SLC35F4: variants seen among roughly 807,000 people sequenced by gnomAD.
The protein encoded by SLC35F4 is solute carrier family 35 member F4.
In SLC35F4, 24 loss-of-function variants were observed where a neutral mutation model predicts 44.2. The observed-to-expected ratio is 0.54, with a 90% confidence interval of 0.39 to 0.76. The LOEUF (loss-of-function observed/expected upper bound fraction) is 0.76. Among genes scored for constraint, SLC35F4 ranks in the 30% least tolerant of loss-of-function variants. The probability of loss-of-function intolerance (pLI) is 0.00; values close to 1 mark genes in which losing one functional copy is unlikely to be tolerated. For synonymous variants in SLC35F4, 238 were observed against 223.6 expected (o/e 1.06, Z -0.57); for missense variants, 562 against 586.1 (o/e 0.96, Z 0.42).
chr14:57,705,149 T>A (rs976701688), intron 1 of SLC35F4, among the ~76,000 whole-genome samples: 1 of 152,084 alleles, frequency 6.6e-6, no homozygotes, highest in African/African-American at 2.4e-5. Context: ...TAGTGGCTGG[T>A]ACAAAGAGAG....
chr14:57,697,157 A>G (rs2075407627), intron 1 of SLC35F4, among the ~76,000 whole-genome samples: 1 of 152,052 alleles, frequency 6.6e-6, no homozygotes. Context: ...AAATTTTGAT[A>G]TGTTGTATTT....
chr14:57,980,029 T>C (rs1465158108), intron 1 of SLC35F4, among the ~76,000 whole-genome samples: 2 of 152,244 alleles, frequency 1.3e-5, no homozygotes, highest in African/African-American at 2.4e-5. Context: ...TCCTAAAACC[T>C]GATTTCTCCA....
At chr14:57,717,446 C>T (rs1177519065) in intron 1 of SLC35F4, among the ~76,000 whole-genome samples, 1 of 152,088 alleles carries the variant, frequency 6.6e-6, no homozygotes, top group Non-Finnish European at 1.5e-5. Context: ...ACCATCCTGG[C>T]TAATACGGTG....
intron 1 of SLC35F4, among the ~76,000 whole-genome samples, chr14:57,689,176 G>T (rs1441999725): frequency 1.3e-5 from 2 of 151,930 alleles, no homozygotes; most frequent in Non-Finnish European, 2.9e-5. Flanking sequence ...AAATATGTTG[G>T]CTTTTCCTAT....
At chr14:57,667,239 G>A (rs1466066335) in intron 1 of SLC35F4, among the ~76,000 whole-genome samples, 1 of 151,942 alleles carries the variant, frequency 6.6e-6, no homozygotes, top group Non-Finnish European at 1.5e-5. Flanking sequence ...AGAGAGACAT[G>A]TTCTGCTGGG....
At chr14:57,870,399 G>C (rs149614375), upstream of SLC35F4, among the ~76,000 whole-genome samples, 152 of 151,926 alleles carry the variant, frequency 1.0e-3, 2 homozygotes, top group African/African-American at 3.4e-3. Context: ...CGTGACCTTG[G>C]GTAAATCTTT....
chr14:57,649,314 G>A (rs1236499400), intron 1 of SLC35F4, among the ~76,000 whole-genome samples: 1 of 152,100 alleles, frequency 6.6e-6, no homozygotes, highest in Non-Finnish European at 1.5e-5. Flanking sequence ...AAACTGATTG[G>A]CAGGGCTACA....
At chr14:57,653,479 T>C (rs1480479513) in intron 1 of SLC35F4, among the ~76,000 whole-genome samples, 2 of 152,196 alleles carry the variant, frequency 1.3e-5, no homozygotes, top group African/African-American at 2.4e-5. Context: ...CACTGGTTGG[T>C]GGGTCGGGGG....
intron 1 of SLC35F4, among the ~76,000 whole-genome samples, chr14:57,599,274 G>C (rs1242847922): frequency 6.6e-6 from 1 of 152,192 alleles, no homozygotes; most frequent in Non-Finnish European, 1.5e-5. Flanking sequence ...TCAAGGTATA[G>C]GGCCATAGGG....
At chr14:57,823,355 G>A (rs1883384061) in intron 1 of SLC35F4, among the ~76,000 whole-genome samples, 1 of 152,100 alleles carries the variant, frequency 6.6e-6, no homozygotes, top group Admixed American at 6.6e-5. Flanking sequence ...TGTCCTCATA[G>A]ATCTCAGCAA....
chr14:57,870,166 C>T (rs2141026498), upstream of SLC35F4, among the ~76,000 whole-genome samples: 1 of 143,664 alleles, frequency 7.0e-6, no homozygotes, highest in South Asian at 2.1e-4. Context: ...GTCTGTGTCT[C>T]TCCCTGTGTC....
At chr14:57,814,509 ACT>A (rs1216925310) in intron 1 of SLC35F4, among the ~76,000 whole-genome samples, 1 of 152,124 alleles carries the variant, frequency 6.6e-6, no homozygotes, top group East Asian at 1.9e-4. Flanking sequence ...CTGTTTGCAA[ACT>A]CTGACGCTTT....
chr14:57,949,522 T>C (rs1890096933), intron 1 of SLC35F4, among the ~76,000 whole-genome samples: 2 of 152,184 alleles, frequency 1.3e-5, no homozygotes, highest in Non-Finnish European at 2.9e-5. Context: ...TTAAGCCATT[T>C]GCAATGTCAA....
chr14:57,955,201 A>T (rs1208354271), intron 1 of SLC35F4, among the ~76,000 whole-genome samples: 1 of 152,198 alleles, frequency 6.6e-6, no homozygotes, highest in African/African-American at 2.4e-5. Context: ...TCACATGATC[A>T]TCTCAGTAGA....
chr14:57,821,812 A>C (rs1328920330), intron 1 of SLC35F4, among the ~76,000 whole-genome samples: 1 of 152,186 alleles, frequency 6.6e-6, no homozygotes, highest in Non-Finnish European at 1.5e-5. Flanking sequence ...AGTTATCACT[A>C]ATAAATATGC....
At chr14:57,715,168 G>GA (rs368398549) in intron 1 of SLC35F4, among the ~76,000 whole-genome samples, 3 of 151,816 alleles carry the variant, frequency 2.0e-5, no homozygotes, top group East Asian at 1.9e-4. Flanking sequence ...GTTATAGGGG[G>GA]AAAAAAAAGG....
At chr14:57,896,548 T>C (rs1888874675) in intron 1 of SLC35F4, among the ~76,000 whole-genome samples, 1 of 152,216 alleles carries the variant, frequency 6.6e-6, no homozygotes. Context: ...TATATGTATA[T>C]GCACCTAAAA....
chr14:57,594,081 G>T lies in SLC35F4; in HGVS notation c.147C>A (p.Asn49Lys), dbSNP rs765992533. 2.5e-6 allele frequency: 4 copies of T among 1,613,780 alleles called. No individual in the cohort carries two copies. The highest frequency in any genetic ancestry group is 2.2e-5 in the East Asian group (1 of 44,898). Residue 49 changes from asparagine to lysine, a missense_variant, in exon 2 of 8, where the codon AAC (asparagine) becomes AAA (lysine). By Grantham distance (94) the Asn-to-Lys change is moderately conservative. Transcript: ENST00000556826. ...TGATGCCACTGTGTGAACTGGGGCA[G>T]TTGGCTCCTGGTTTACATCTAGTGA... Reference protein sequence around the residue: ...SSVTRCKPGANCPSSHSGISR... With the variant: ...SSVTRCKPGAKCPSSHSGISR...
At chr14:57,568,233 C>A (rs143764870) in intron 6 of SLC35F4, among the ~76,000 whole-genome samples, 11 of 152,178 alleles carry the variant, frequency 7.2e-5, no homozygotes, top group Admixed American at 7.2e-4. Context: ...TGCTTGGTGG[C>A]GAATGCCAGT....
Sources: allele counts gnomAD v4.1 joint callset (sites outside exome capture counted in the v4.1 genomes callset), GRCh38; gene constraint gnomAD v4.1.1; transcripts MANE v1.5; gene names NCBI Gene and HGNC (gene_info 2026-07-23, HGNC 2026-07-21).